VWDE: variants seen among roughly 807,000 people sequenced by gnomAD.
VWDE encodes the protein von Willebrand factor D and EGF domains, also known as von Willebrand factor D and EGF domain-containing protein.
A neutral mutation model predicts 178.4 loss-of-function variants in VWDE; 207 were observed. The ratio of observed to expected loss-of-function variants is 1.16; its 90% CI spans 1.04 to 1.30. The LOEUF (loss-of-function observed/expected upper bound fraction) is 1.30, where lower values mean the gene tolerates loss of function less well. VWDE is among the 50% of genes most tolerant of loss of function. The pLI, the probability that VWDE is intolerant of heterozygous loss-of-function variation, is 0.00. For synonymous variants in VWDE, 738 were observed against 651.4 expected, an observed-to-expected ratio of 1.13 and a Z score of -2.02; for missense variants, 2,287 against 1,901.3, an observed-to-expected ratio of 1.20 and a Z score of -3.77.
intron 2 of VWDE, among the ~76,000 whole-genome samples, chr7:12,392,706 G>C (rs1198332367): frequency 2.0e-5 from 3 of 150,060 alleles, no homozygotes; most frequent in Non-Finnish European, 3.0e-5. Context: ...AATGAAATAA[G>C]AATGAAAGAA....
intron 2 of VWDE, among the ~76,000 whole-genome samples, chr7:12,390,370 G>A (rs17540141): frequency 0.019 from 2,880 of 152,000 alleles, 40 homozygotes; most frequent in Non-Finnish European, 0.029. Flanking sequence ...TATATTAGGT[G>A]GAAGTGGTAC....
At chr7:12,363,338 T>A (rs1782683248) in intron 13 of VWDE, among the ~76,000 whole-genome samples, 1 of 152,050 alleles carries the variant, frequency 6.6e-6, no homozygotes, top group African/African-American at 2.4e-5. Context: ...TGGAACAGCA[T>A]AAACAGGAAG....
At chr7:12,402,138 G>A (rs904433927) in intron 1 of VWDE, among the ~76,000 whole-genome samples, 7 of 152,220 alleles carry the variant, frequency 4.6e-5, no homozygotes, top group African/African-American at 1.7e-4. Flanking sequence ...TTATCGCTGG[G>A]GAGAAAGGGA....
intron 5 of VWDE, 95 bp from the exon 6 acceptor site, chr7:12,379,661 A>G: frequency 1.3e-6 from 1 of 791,856 alleles, no homozygotes; most frequent in Non-Finnish European, 1.9e-6. Context: ...AATTCTTCAT[A>G]GATAGTATAT....
chr7:12,380,381 T>TTTA, intron 5 of VWDE, 105 bp downstream of exon 5: 1 of 1,417,068 alleles, frequency 7.1e-7, no homozygotes, highest in Non-Finnish European at 9.3e-7. Context: ...ATATTAGGGC[T>TTTA]TTATACTCTG....
At chr7:12,368,244 A>T (rs1007851540) in intron 12 of VWDE, among the ~76,000 whole-genome samples, 4 of 150,564 alleles carry the variant, frequency 2.7e-5, no homozygotes, top group Non-Finnish European at 4.4e-5. Flanking sequence ...GATTAAAAAA[A>T]AAATAAAAAG....
At chr7:12,353,050 T>G (rs1782030524) in intron 18 of VWDE, among the ~76,000 whole-genome samples, 1 of 152,140 alleles carries the variant, frequency 6.6e-6, no homozygotes, top group Admixed American at 6.6e-5. Context: ...TCATTATAAT[T>G]CCCCTCCAAA....
chr7:12,337,107 C>T (rs1583270641), intron 25 of VWDE, 24 bp from the exon 26 acceptor site: 6 of 1,551,318 alleles, frequency 3.9e-6, no homozygotes, highest in Non-Finnish European at 5.2e-6. Context: ...CATGAAAAGT[C>T]AGCCCTTAAA....
Position 12,386,479 on chromosome 7 carries a change from T to C in VWDE, c.475+2648A>G, listed in dbSNP as rs556750544. On this transcript the variant is annotated intron_variant, in intron 3 of 28. Transcript: ENST00000275358. ...AGAACAAAACGCAGAGCTCCCTAAA[T>C]GATCAGGCCTTGCGCTTTCAAACCC... Among the ~76,000 whole-genome samples the C allele has an allele frequency of 6.6e-5, 10 of 152,310 alleles. No homozygotes were observed. In the South Asian group the frequency reaches 1.7e-3, roughly 25 times the overall value.
At chr7:12,356,494 A>T (rs952808277) in intron 17 of VWDE, among the ~76,000 whole-genome samples, 164 bp from the exon 18 acceptor site, 10 of 152,216 alleles carry the variant, frequency 6.6e-5, no homozygotes, top group African/African-American at 2.4e-4. Flanking sequence ...AAATTGTATT[A>T]AAAATAGTTT....
chr7:12,369,767 C>A lies in VWDE; in HGVS notation c.2539G>T (p.Asp847Tyr), dbSNP rs757174757. 5.2e-6 allele frequency: 8 copies of A among 1,551,440 alleles called. No homozygotes were observed. The South Asian group carries it at 8.3e-5, about 16-fold the overall frequency. ...MCVKDVLLKD[D>Y]LSWAEAGVAL... is the part of the protein sequence containing the mutation. ...ACACCTGCTTCTGCCCAACTAAGAT[C>A]ATCTTTTAACAGAACATCCTTCACA... The change falls in exon 12 of 29, where the codon GAT (aspartate) becomes TAT (tyrosine). Residue 847 changes from aspartate (D) to tyrosine (Y), a missense_variant. By Grantham distance (160) the Asp-to-Tyr change is radical. Coordinates refer to ENST00000275358, the MANE Select transcript of VWDE (RefSeq NM_001135924.3).
At chr7:12,368,025 C>T (rs1215153156) in intron 12 of VWDE, among the ~76,000 whole-genome samples, 1 of 151,776 alleles carries the variant, frequency 6.6e-6, no homozygotes, top group Admixed American at 6.6e-5. Context: ...ACTCTACTAG[C>T]AGTAGGGTAG....
Position 12,375,231 on chromosome 7 carries a change from T to C in VWDE, c.1025-4A>G, listed in dbSNP as rs1225450532. ...TTTAAGCCTAGGTGCTCTCTACCTATTTAATGAAAAAATAGGTTTAAAAAT... is the reference window on the plus strand; with the variant it reads ...TTTAAGCCTAGGTGCTCTCTACCTACTTAATGAAAAAATAGGTTTAAAAAT... On this transcript the variant is annotated splice_region_variant and splice_polypyrimidine_tract_variant and intron_variant, in intron 7 of 28. Coordinates refer to ENST00000275358, the MANE Select transcript of VWDE (RefSeq NM_001135924.3). The C allele has an allele frequency of 1.3e-6, 2 of 1,547,822 alleles. No homozygotes were observed. The highest frequency in any genetic ancestry group is 1.7e-6 in the Non-Finnish European group (2 of 1,144,602).
rs144261452 is a variant in VWDE, at chr7:12,397,717, C to T, written c.59-3939G>A. Among the ~76,000 whole-genome samples, 128 of 151,976 alleles carry T rather than the reference C, an allele frequency of 8.4e-4. 1 individual carries two copies. Among genetic ancestry groups the T allele is most frequent in the South Asian group, 2.7e-3 (13 of 4,802 alleles). ...TCTATAAGGAACTTAAATATTTCAA[C>T]GAGAAAAAACAACCCCATTGAAAAG... On this transcript the variant is annotated intron_variant, in intron 1 of 28. Coordinates refer to ENST00000275358, the MANE Select transcript of VWDE (RefSeq NM_001135924.3).
intron 2 of VWDE, among the ~76,000 whole-genome samples, chr7:12,392,859 A>G (rs1430125486): frequency 6.6e-6 from 1 of 151,164 alleles, no homozygotes; most frequent in African/African-American, 2.4e-5. Flanking sequence ...AACCTTTTTA[A>G]TTTTGTCCAT....
intron 2 of VWDE, among the ~76,000 whole-genome samples, chr7:12,391,900 T>TA: frequency 6.6e-6 from 1 of 152,144 alleles, no homozygotes; most frequent in East Asian, 1.9e-4. Flanking sequence ...ACCTCTAGGT[T>TA]AAAAGAAAAT....
Position 12,351,586 on chromosome 7 carries a change from A to G in VWDE, c.3873T>C (p.Ser1291=), listed in dbSNP as rs897471880. The G allele has an allele frequency of 6.5e-7, 1 of 1,548,566 alleles. No homozygotes were observed. Among genetic ancestry groups the G allele is most frequent in the Non-Finnish European group, 8.7e-7 (1 of 1,145,838 alleles). Reference sequence around the variant, plus strand: ...ACCATTACTTACTGAAGGCATTTCCACTTGTTGGCTTAACATGCCTCTTTC... The same window carrying G: ...ACCATTACTTACTGAAGGCATTTCCGCTTGTTGGCTTAACATGCCTCTTTC... ...QGRKRHVKPT[S]GNAFTICKYP... The change falls in exon 19 of 29, where the codon AGT becomes AGC. Residue 1291 remains serine, a synonymous_variant. Coordinates refer to ENST00000275358, the MANE Select transcript of VWDE (RefSeq NM_001135924.3).
At chr7:12,376,433 A>C (rs1490518701) in intron 7 of VWDE, among the ~76,000 whole-genome samples, 2 of 152,148 alleles carry the variant, frequency 1.3e-5, no homozygotes, top group Non-Finnish European at 1.5e-5. Flanking sequence ...TCAGAGAATA[A>C]GAACATGCAT....
Position 12,374,778 on chromosome 7 carries a change from AT to A in VWDE, c.1243-17del. On this transcript the variant is annotated splice_polypyrimidine_tract_variant and intron_variant, in intron 8 of 28. Transcript: ENST00000275358. Reference sequence around the variant, plus strand: ...TTACTTTGATCTTAAAAGCAAAGATATTTTTGGTAAATATTACCATTAATTA... The same window carrying A: ...TTACTTTGATCTTAAAAGCAAAGATATTTTGGTAAATATTACCATTAATTA... 6.7e-7 allele frequency: 1 copy of A among 1,496,338 alleles called. No homozygotes were observed. Among genetic ancestry groups the A allele is most frequent in the Non-Finnish European group, 9.0e-7 (1 of 1,112,218 alleles). 92.7% of individuals were successfully genotyped at this position (1,496,338 alleles called of 1,614,324 possible). A position where few individuals can be genotyped will look rare whatever the true frequency, so the allele number is the denominator to read the frequency against.
Sources: gnomAD v4.1 joint callset for allele counts (sites outside exome capture counted in the v4.1 genomes callset) on GRCh38, gnomAD v4.1.1 for gene constraint, MANE v1.5 for transcripts, NCBI Gene and HGNC (gene_info 2026-07-23, HGNC 2026-07-21) for gene names.